Variants in NKAIN2 observed in about 807,000 individuals in gnomAD.
NKAIN2 encodes the protein sodium/potassium-transporting ATPase subunit beta-1-interacting protein 2.
NKAIN2 carries 14 observed loss-of-function variants against 32.6 expected under a neutral mutation model. That is an observed-to-expected ratio of 0.43 (90% confidence interval 0.28 to 0.67). The LOEUF (loss-of-function observed/expected upper bound fraction) is 0.67. NKAIN2 is among the 30% of genes least tolerant of loss of function. The pLI is 0.17. For missense variants in NKAIN2, 198 were observed against 258.3 expected (o/e 0.77, Z 1.60); for synonymous variants, 80 against 87.2 (o/e 0.92, Z 0.46).
chr6:124,747,271 G>A (rs927900637), intron 4 of NKAIN2, among the ~76,000 whole-genome samples: 5 of 151,808 alleles, frequency 3.3e-5, no homozygotes, highest in Non-Finnish European at 5.9e-5. Flanking sequence ...CTCCTGAGCT[G>A]TCCTTGTCCC....
intron 1 of NKAIN2, among the ~76,000 whole-genome samples, chr6:123,941,839 C>T (rs1320033650): frequency 6.6e-6 from 1 of 151,882 alleles, no homozygotes; most frequent in African/African-American, 2.4e-5. Flanking sequence ...ATACTTTAGG[C>T]ATGCACCCAT....
rs191165058 is a variant in NKAIN2 at position 124,263,681 on chromosome 6, G to A, written c.55-19324G>A. ...AGGTCTAAGAACTTGTTTGTAAACCGTATCATCTATGCTACTATAAATGTT... is the reference window on the plus strand; with the variant it reads ...AGGTCTAAGAACTTGTTTGTAAACCATATCATCTATGCTACTATAAATGTT... On this transcript the variant is annotated intron_variant, in intron 1 of 6. Transcript: ENST00000368417. 1.5e-4 allele frequency among the ~76,000 whole-genome samples: 23 copies of A among 151,428 alleles called. No individual in the cohort carries two copies. In the East Asian group the frequency reaches 1.7e-3, roughly 12 times the overall value.
In NKAIN2 at chr6:123,804,053, T is replaced by G. The variant is rs534273694; in HGVS notation, c.-148T>G. On this transcript the variant is annotated 5_prime_UTR_variant, in exon 1 of 7. Coordinates refer to ENST00000368417, the MANE Select transcript of NKAIN2 (RefSeq NM_001040214.3). ...GCCAGCAGGTCCTAATGCCTGTCAC[T>G]TCCCAGGACGCTGGCAGCAGCAGCA... 6.4e-6 allele frequency: 5 copies of G among 786,140 alleles called. No homozygotes were observed. The South Asian group carries it at 7.3e-5, about 11-fold the overall frequency. The allele number at this position is 786,140 out of a possible 1,614,324, so 48.7% of individuals were successfully genotyped here.
intron 5 of NKAIN2, among the ~76,000 whole-genome samples, chr6:124,810,721 A>G (rs1780861364): frequency 6.6e-6 from 1 of 152,056 alleles, no homozygotes; most frequent in African/African-American, 2.4e-5. Context: ...ATAAGGCCCT[A>G]AAACCCTGAG....
intron 2 of NKAIN2, among the ~76,000 whole-genome samples, chr6:124,351,183 G>C (rs1454307159): frequency 6.6e-6 from 1 of 152,054 alleles, no homozygotes; most frequent in East Asian, 1.9e-4. Flanking sequence ...CCTTAATCTA[G>C]TGAATAATAT....
chr6:124,017,789 C>G (rs1167891221), intron 1 of NKAIN2, among the ~76,000 whole-genome samples: 1 of 152,112 alleles, frequency 6.6e-6, no homozygotes, highest in African/African-American at 2.4e-5. Context: ...CACCCCGACC[C>G]CCCGGCTGTT....
rs1486107165 is a variant in NKAIN2, at chr6:124,608,144, A to G, written c.274-50042A>G. 5.9e-5 allele frequency among the ~76,000 whole-genome samples: 9 copies of G among 152,214 alleles called. 1 individual carries two copies. The East Asian group carries it at 1.3e-3, about 23-fold the overall frequency. On this transcript the variant is annotated intron_variant, in intron 3 of 6. Coordinates refer to ENST00000368417, the MANE Select transcript of NKAIN2 (RefSeq NM_001040214.3). ...CAAACCGAAGCCAAAAAGAACTAGC[A>G]GTGATGACATCCATGTTTTCATACC...
chr6:124,799,597 A>G (rs1475312266), intron 5 of NKAIN2, among the ~76,000 whole-genome samples: 2 of 152,214 alleles, frequency 1.3e-5, no homozygotes, highest in Admixed American at 6.5e-5. Flanking sequence ...TTGTTTCTAC[A>G]ACACAATATA....
chr6:124,271,757 TGATAGTGATATGGACAATGAA>T (rs1041223616), intron 1 of NKAIN2, among the ~76,000 whole-genome samples: 2 of 152,180 alleles, frequency 1.3e-5, no homozygotes, highest in African/African-American at 4.8e-5. Flanking sequence ...ACCAAAATGC[TGATAGTGATATGGACAATGAA>T]GTCCAGGCTG....
chr6:123,903,753 C>A lies in NKAIN2; in HGVS notation c.54+99499C>A, dbSNP rs1037144601. Among the ~76,000 whole-genome samples the A allele has an allele frequency of 2.6e-5, 4 of 152,094 alleles. No homozygotes were observed. In the South Asian group the frequency reaches 8.3e-4, roughly 32 times the overall value. On this transcript the variant is annotated intron_variant, in intron 1 of 6. Transcript: ENST00000368417. ...ATTGGGAATATGCAAAGGCTATGAC[C>A]AAAATTTAGTAATATTATTTGCCTA...
intron 1 of NKAIN2, among the ~76,000 whole-genome samples, chr6:124,121,079 C>T (rs1210918212): frequency 6.6e-6 from 1 of 152,072 alleles, no homozygotes; most frequent in Non-Finnish European, 1.5e-5. Flanking sequence ...TTCCTGAAAT[C>T]TTTTCTGCAA....
intron 4 of NKAIN2, among the ~76,000 whole-genome samples, chr6:124,781,728 G>A (rs1189917774): frequency 1.3e-4 from 20 of 152,084 alleles, no homozygotes; most frequent in Non-Finnish European, 1.8e-4. Context: ...AGGTAACTCA[G>A]ATGGAAAGGA....
At chr6:123,836,380 A>G (rs1355281630) in intron 1 of NKAIN2, among the ~76,000 whole-genome samples, 1 of 152,122 alleles carries the variant, frequency 6.6e-6, no homozygotes, top group East Asian at 1.9e-4. Flanking sequence ...TTTTGTTGAT[A>G]TCATGTACCC....
intron 3 of NKAIN2, among the ~76,000 whole-genome samples, chr6:124,493,441 G>A (rs1583333354): frequency 1.3e-5 from 2 of 152,034 alleles, no homozygotes; most frequent in Non-Finnish European, 2.9e-5. Context: ...ATTTTATCAT[G>A]AACATCCAAA....
At chr6:123,938,504 TAA>T (rs1776655448) in intron 1 of NKAIN2, among the ~76,000 whole-genome samples, 1 of 138,046 alleles carries the variant, frequency 7.2e-6, no homozygotes, top group African/African-American at 2.6e-5. Flanking sequence ...TATTTATATA[TAA>T]TATATTATAT....
intron 3 of NKAIN2, among the ~76,000 whole-genome samples, chr6:124,503,617 T>A (rs528245431): frequency 4.7e-4 from 71 of 152,186 alleles, no homozygotes; most frequent in African/African-American, 1.7e-3. Flanking sequence ...CAATTAGAAG[T>A]TCTGTTTCTC....
chr6:124,338,863 T>A (rs1239869739), intron 2 of NKAIN2, among the ~76,000 whole-genome samples: 1 of 152,150 alleles, frequency 6.6e-6, no homozygotes, highest in Non-Finnish European at 1.5e-5. Context: ...GTGAATCAAT[T>A]TTGAAATTAA....
intron 3 of NKAIN2, among the ~76,000 whole-genome samples, chr6:124,596,463 A>G (rs1782091173): frequency 6.6e-6 from 1 of 152,162 alleles, no homozygotes; most frequent in Admixed American, 6.5e-5. Context: ...GGTTGCATGA[A>G]TTACCCCAGC....
At chr6:124,687,415 T>A (rs1773992295) in intron 4 of NKAIN2, among the ~76,000 whole-genome samples, 1 of 106,836 alleles carries the variant, frequency 9.4e-6, no homozygotes, top group Non-Finnish European at 1.9e-5. Context: ...GTATGGAATA[T>A]ATATATTCCA....
Sources: gnomAD v4.1 joint callset for allele counts (sites outside exome capture counted in the v4.1 genomes callset) on GRCh38, gnomAD v4.1.1 for gene constraint, MANE v1.5 for transcripts, NCBI Gene and HGNC (gene_info 2026-07-23, HGNC 2026-07-21) for gene names.